Variants in SLC35F3 observed in about 807,000 individuals in gnomAD.
SLC35F3 encodes the protein putative thiamine transporter SLC35F3.
In SLC35F3, 25 loss-of-function variants were observed where a neutral mutation model predicts 49.9. The ratio of observed to expected loss-of-function variants is 0.50; its 90% CI spans 0.37 to 0.70. SLC35F3 has a LOEUF of 0.70. Ranked by LOEUF, SLC35F3 falls within the 30% of genes least tolerant of loss-of-function variation. The probability of loss-of-function intolerance (pLI) is 0.00; values close to 1 mark genes in which losing one functional copy is unlikely to be tolerated. For missense variants in SLC35F3, 525 were observed against 639.8 expected, an observed-to-expected ratio of 0.82 and a Z score of 1.94; for synonymous variants, 275 against 265.4, an observed-to-expected ratio of 1.04 and a Z score of -0.35.
chr1:234,189,276 A>G (rs886523646), intron 2 of SLC35F3, among the ~76,000 whole-genome samples: 2 of 152,108 alleles, frequency 1.3e-5, no homozygotes, highest in Non-Finnish European at 2.9e-5. Context: ...TCAAGGAGGT[A>G]CCAGAGAAAG....
intron 2 of SLC35F3, among the ~76,000 whole-genome samples, chr1:234,132,206 T>C (rs1202994735): frequency 3.3e-5 from 5 of 152,188 alleles, no homozygotes; most frequent in African/African-American, 9.7e-5. Flanking sequence ...TCACTCCCCT[T>C]CTCTCCTTTT....
chr1:234,226,953 G>GCA lies in SLC35F3; in HGVS notation c.284-4462_284-4461dup, dbSNP rs1472119384. ...ACACTCCCCCTGCACTGGCGTGCGC[G>GCA]CACGCGTGCACACACACACACACAC... On this transcript the variant is annotated intron_variant, in intron 2 of 7. Transcript: ENST00000366618. Among the ~76,000 whole-genome samples, 59 of 116,746 alleles carry GCA rather than the reference G, an allele frequency of 5.1e-4. No individual in the cohort carries two copies. In the East Asian group the frequency reaches 0.015, roughly 29 times the overall value. The allele number at this position is 116,746 out of a possible 152,430, so 76.6% of individuals were successfully genotyped here.
chr1:234,196,387 CCT>C (rs550546402), intron 2 of SLC35F3, among the ~76,000 whole-genome samples: 8 of 152,360 alleles, frequency 5.3e-5, no homozygotes, highest in African/African-American at 1.9e-4. Flanking sequence ...GTGAGCAGTA[CCT>C]CTGCTGCTGC....
intron 2 of SLC35F3, among the ~76,000 whole-genome samples, chr1:234,215,622 C>T (rs1459428978): frequency 1.3e-5 from 2 of 152,240 alleles, no homozygotes; most frequent in African/African-American, 4.8e-5. Flanking sequence ...CTGCCCTTCC[C>T]AGGAAGCCTG....
chr1:234,210,825 G>A (rs1667036685), intron 2 of SLC35F3, among the ~76,000 whole-genome samples: 1 of 152,252 alleles, frequency 6.6e-6, no homozygotes, highest in Admixed American at 6.5e-5. Flanking sequence ...CAAGCCAACT[G>A]CAGAAATTTG....
intron 2 of SLC35F3, among the ~76,000 whole-genome samples, chr1:234,125,263 C>T (rs891362537): frequency 1.3e-5 from 2 of 152,008 alleles, no homozygotes; most frequent in African/African-American, 2.4e-5. Context: ...GCCCAGTTCA[C>T]GCTGATATAA....
At chr1:234,021,676 G>C (rs780800511) in intron 2 of SLC35F3, among the ~76,000 whole-genome samples, 3 of 152,200 alleles carry the variant, frequency 2.0e-5, no homozygotes, top group Non-Finnish European at 2.9e-5. Context: ...TTGGGAAAGA[G>C]CTTAAGGACT....
chr1:234,169,747 C>T (rs1262408282), intron 2 of SLC35F3, among the ~76,000 whole-genome samples: 1 of 151,986 alleles, frequency 6.6e-6, no homozygotes, highest in Non-Finnish European at 1.5e-5. Context: ...ACATTCTTCC[C>T]AGGGGAACAT....
chr1:234,042,549 A>G (rs1380082120), intron 2 of SLC35F3, among the ~76,000 whole-genome samples: 1 of 152,162 alleles, frequency 6.6e-6, no homozygotes, highest in East Asian at 1.9e-4. Context: ...TTTTTTCAAC[A>G]TCAGTTAAAG....
At chr1:234,052,368 G>C (rs1211030169) in intron 2 of SLC35F3, among the ~76,000 whole-genome samples, 1 of 152,180 alleles carries the variant, frequency 6.6e-6, no homozygotes, top group South Asian at 2.1e-4. Context: ...AGTCTTGGGA[G>C]GGTGTATATG....
chr1:234,059,391 T>C (rs563271340), intron 2 of SLC35F3, among the ~76,000 whole-genome samples: 1 of 152,310 alleles, frequency 6.6e-6, no homozygotes, highest in East Asian at 1.9e-4. Flanking sequence ...TTTTCATTCA[T>C]CTCAAAGTAT....
At chr1:233,986,789 GC>G (rs1330604537) in intron 2 of SLC35F3, among the ~76,000 whole-genome samples, 1 of 151,932 alleles carries the variant, frequency 6.6e-6, no homozygotes, top group African/African-American at 2.4e-5. Context: ...TTATTTCTTT[GC>G]AGACATTCCT....
chr1:234,322,187 C>T (rs1208839649), intron 7 of SLC35F3, among the ~76,000 whole-genome samples: 2 of 141,046 alleles, frequency 1.4e-5, no homozygotes, highest in African/African-American at 5.4e-5. Context: ...GAGTGAGACC[C>T]TGTCTCAAAA....
intron 3 of SLC35F3, among the ~76,000 whole-genome samples, chr1:234,294,555 G>A (rs534083157): frequency 5.9e-5 from 9 of 152,332 alleles, no homozygotes; most frequent in African/African-American, 1.9e-4. Context: ...CTAAAGTACG[G>A]AAGTCGGAGC....
rs185045472 is a variant in SLC35F3, at chr1:234,303,850, C to G, written c.609-5251C>G. ...ATTCATTTTTTTGGTACTTGGTGGC[C>G]CCTTACATTATGAAGATTCATGTCT... On this transcript the variant is annotated intron_variant, in intron 3 of 7. Coordinates refer to ENST00000366618, the MANE Select transcript of SLC35F3 (RefSeq NM_173508.4). Among the ~76,000 whole-genome samples the G allele has an allele frequency of 4.7e-3, 721 of 151,934 alleles. 6 individuals carry two copies. The highest frequency in any genetic ancestry group is 0.015 in the African/African-American group (636 of 41,426).
intron 2 of SLC35F3, among the ~76,000 whole-genome samples, chr1:233,963,018 G>A (rs142988600): frequency 6.6e-6 from 1 of 152,240 alleles, no homozygotes; most frequent in Non-Finnish European, 1.5e-5. Context: ...TGATGGGGAT[G>A]TGTCCCAGAC....
At chr1:234,152,300 A>G (rs1666088661) in intron 2 of SLC35F3, among the ~76,000 whole-genome samples, 1 of 151,822 alleles carries the variant, frequency 6.6e-6, no homozygotes, top group Non-Finnish European at 1.5e-5. Flanking sequence ...TTTGTTACAT[A>G]GGAATACACG....
intron 2 of SLC35F3, among the ~76,000 whole-genome samples, chr1:233,922,277 A>AT (rs1662075715): frequency 6.6e-6 from 1 of 152,006 alleles, no homozygotes; most frequent in Non-Finnish European, 1.5e-5. Flanking sequence ...AAGTGTTCCT[A>AT]TTTCTCCACA....
At chr1:234,234,226 G>A (rs1667428348) in intron 3 of SLC35F3, among the ~76,000 whole-genome samples, 1 of 152,202 alleles carries the variant, frequency 6.6e-6, no homozygotes, top group Non-Finnish European at 1.5e-5. Context: ...GAGCTGGGAA[G>A]AAAAGGAGAT....
Sources: gnomAD v4.1 joint callset for allele counts (sites outside exome capture counted in the v4.1 genomes callset) on GRCh38, gnomAD v4.1.1 for gene constraint, MANE v1.5 for transcripts, NCBI Gene and HGNC (gene_info 2026-07-23, HGNC 2026-07-21) for gene names.